COL25A1: variants seen among roughly 807,000 people sequenced by gnomAD.
COL25A1 encodes collagen type XXV alpha 1 chain, also known as collagen alpha-1(XXV) chain.
A neutral mutation model predicts 128.4 loss-of-function variants in COL25A1; 103 were observed. The ratio of observed to expected loss-of-function variants is 0.80; its 90% CI spans 0.68 to 0.94. The LOEUF is 0.94. Ranked by LOEUF, COL25A1 falls within the 40% of genes least tolerant of loss-of-function variation. The probability of loss-of-function intolerance (pLI) is 0.00; values close to 1 mark genes in which losing one functional copy is unlikely to be tolerated. For synonymous variants in COL25A1, 279 were observed against 277.2 expected, an observed-to-expected ratio of 1.01 and a Z score of -0.06; for missense variants, 745 against 840.0, an observed-to-expected ratio of 0.89 and a Z score of 1.40.
At chr4:109,122,133 T>G (rs938527994) in intron 3 of COL25A1, among the ~76,000 whole-genome samples, 1 of 152,054 alleles carries the variant, frequency 6.6e-6, no homozygotes, top group Non-Finnish European at 1.5e-5. Flanking sequence ...GAGGGAGGGA[T>G]GAACAGTCTG....
intron 8 of COL25A1, among the ~76,000 whole-genome samples, chr4:108,944,428 T>C (rs1390505353): frequency 6.6e-6 from 1 of 152,214 alleles, no homozygotes; most frequent in African/African-American, 2.4e-5. Flanking sequence ...GAATTTTATA[T>C]ATAAACCTCA....
chr4:109,179,503 T>G (rs1402633935), intron 3 of COL25A1, among the ~76,000 whole-genome samples: 1 of 152,236 alleles, frequency 6.6e-6, no homozygotes, highest in African/African-American at 2.4e-5. Context: ...GTTAGAAACC[T>G]TGTATGTTAG....
At chr4:108,970,604 T>C (rs1373611246) in intron 8 of COL25A1, among the ~76,000 whole-genome samples, 2 of 152,286 alleles carry the variant, frequency 1.3e-5, no homozygotes, top group Admixed American at 1.3e-4. Flanking sequence ...AAGAATACAA[T>C]ATATTGTTAT....
intron 3 of COL25A1, among the ~76,000 whole-genome samples, chr4:109,189,345 C>T (rs893946044): frequency 1.3e-5 from 2 of 151,756 alleles, no homozygotes; most frequent in Non-Finnish European, 1.5e-5. Context: ...GTCAGGAGTT[C>T]GAGACCAGCC....
chr4:108,944,371 C>T (rs933872857), intron 8 of COL25A1, among the ~76,000 whole-genome samples: 3 of 152,168 alleles, frequency 2.0e-5, no homozygotes, highest in African/African-American at 4.8e-5. Context: ...TGGTAATGTG[C>T]CAGCATCTTT....
chr4:108,853,178 T>C (rs577302760), intron 24 of COL25A1, among the ~76,000 whole-genome samples: 236 of 152,246 alleles, frequency 1.6e-3, no homozygotes, highest in African/African-American at 5.4e-3. Context: ...AAATTTTAAT[T>C]CACCTGATTG....
intron 8 of COL25A1, among the ~76,000 whole-genome samples, chr4:108,972,361 AT>A (rs564294305): frequency 6.6e-6 from 1 of 152,320 alleles, no homozygotes; most frequent in South Asian, 2.1e-4. Flanking sequence ...TTTCATTAAA[AT>A]TGGAAACTTT....
At chr4:108,834,647 G>C (rs1578487416) in intron 31 of COL25A1, among the ~76,000 whole-genome samples, 1 of 151,988 alleles carries the variant, frequency 6.6e-6, no homozygotes, top group African/African-American at 2.4e-5. Context: ...CTAATGAAGT[G>C]TATAAACTGG....
intron 3 of COL25A1, among the ~76,000 whole-genome samples, chr4:109,248,078 T>C (rs1487221102): frequency 1.3e-5 from 2 of 152,100 alleles, no homozygotes; most frequent in South Asian, 4.1e-4. Context: ...GAGAATATTT[T>C]ACCTTCTACG....
At chr4:109,054,905 C>T (rs1220690134) in intron 3 of COL25A1, among the ~76,000 whole-genome samples, 8 of 152,088 alleles carry the variant, frequency 5.3e-5, no homozygotes, top group Non-Finnish European at 1.0e-4. Context: ...CTGAACAGGT[C>T]GCCAACAGCT....
chr4:108,886,486 G>GTTTTT lies in COL25A1; in HGVS notation c.976-2265_976-2264insAAAAA, dbSNP rs1199944880. Among the ~76,000 whole-genome samples the GTTTTT allele has an allele frequency of 7.5e-5, 6 of 79,910 alleles. 1 individual carries two copies. The highest frequency in any genetic ancestry group is 2.6e-4 in the African/African-American group (6 of 23,218). 52.4% of individuals were successfully genotyped at this position (79,910 alleles called of 152,430 possible). ...TGTGTGTGTGTGTGTGTGTGTGTGTGTGTGTGTTTAGCTCATCAGCTATTT... is the reference window on the plus strand; with the variant it reads ...TGTGTGTGTGTGTGTGTGTGTGTGTGTTTTTTGTGTGTTTAGCTCATCAGCTATTT... On this transcript the variant is annotated intron_variant, in intron 18 of 37. Coordinates refer to ENST00000399132, the MANE Select transcript of COL25A1 (RefSeq NM_198721.4).
At chr4:109,050,225 C>G in intron 3 of COL25A1, 46 bp from the exon 4 acceptor site, 1 of 1,474,634 alleles carries the variant, frequency 6.8e-7, no homozygotes, top group Non-Finnish European at 9.3e-7. Context: ...AATTCTTTTT[C>G]CTGGTTCCAA....
chr4:109,060,636 G>A (rs1319666733), intron 3 of COL25A1, among the ~76,000 whole-genome samples: 2 of 150,764 alleles, frequency 1.3e-5, no homozygotes, highest in East Asian at 3.9e-4. Flanking sequence ...GTCCTTCGCA[G>A]ATGGTACCTT....
chr4:109,184,844 C>T (rs1017904215), intron 3 of COL25A1, among the ~76,000 whole-genome samples: 7 of 152,178 alleles, frequency 4.6e-5, no homozygotes, highest in Admixed American at 4.6e-4. Flanking sequence ...GAACTCACCA[C>T]CTTGTGAGGA....
At chr4:109,224,199 G>A (rs1778616210) in intron 3 of COL25A1, among the ~76,000 whole-genome samples, 1 of 152,106 alleles carries the variant, frequency 6.6e-6, no homozygotes, top group Non-Finnish European at 1.5e-5. Context: ...TGTTTAAAAA[G>A]AAGAAGGAGG....
At chr4:109,217,767 A>G (rs543633790) in intron 3 of COL25A1, among the ~76,000 whole-genome samples, 8 of 152,302 alleles carry the variant, frequency 5.3e-5, no homozygotes, top group African/African-American at 1.7e-4. Context: ...TACTTATAAT[A>G]CCTAATACAA....
At chr4:109,244,346 TCA>T (rs1223245010) in intron 3 of COL25A1, among the ~76,000 whole-genome samples, 1 of 152,064 alleles carries the variant, frequency 6.6e-6, no homozygotes, top group East Asian at 1.9e-4. Context: ...ATCCTTAAAT[TCA>T]CAGACTATAT....
At chr4:109,186,660 T>C (rs1377537476) in intron 3 of COL25A1, among the ~76,000 whole-genome samples, 1 of 152,200 alleles carries the variant, frequency 6.6e-6, no homozygotes, top group Non-Finnish European at 1.5e-5. Flanking sequence ...GCCTGACAAA[T>C]GGGACAGGAT....
intron 5 of COL25A1, among the ~76,000 whole-genome samples, chr4:109,019,371 CACACATAT>C (rs1245179635): frequency 1.1e-4 from 1 of 8,940 alleles, no homozygotes; most frequent in East Asian, 9.1e-3. Flanking sequence ...CACACACACA[CACACATAT>C]ATATATATAT....
Sources: allele counts gnomAD v4.1 joint callset (sites outside exome capture counted in the v4.1 genomes callset), GRCh38; gene constraint gnomAD v4.1.1; transcripts MANE v1.5; gene names NCBI Gene and HGNC (gene_info 2026-07-23, HGNC 2026-07-21).